Variants in DLGAP2 observed in about 807,000 individuals in gnomAD.
DLGAP2 encodes the protein DLG associated protein 2.
In DLGAP2, 26 loss-of-function variants were observed where a neutral mutation model predicts 100.3. The observed-to-expected ratio is 0.26, with a 90% CI of 0.19 to 0.36. The LOEUF (loss-of-function observed/expected upper bound fraction) is 0.36, where lower values mean the gene tolerates loss of function less well. Ranked by LOEUF, DLGAP2 falls within the 10% of genes least tolerant of loss-of-function variation. The pLI, the probability that DLGAP2 is intolerant of heterozygous loss-of-function variation, is 1.00. For synonymous variants in DLGAP2, 886 were observed against 630.1 expected (o/e 1.41, Z -6.08); for missense variants, 1,858 against 1,453.2 (o/e 1.28, Z -4.53).
At chr8:1,296,379 T>C (rs909871978) in intron 3 of DLGAP2, among the ~76,000 whole-genome samples, 2 of 152,186 alleles carry the variant, frequency 1.3e-5, no homozygotes, top group African/African-American at 2.4e-5. Flanking sequence ...GCACGCTGGC[T>C]GCATGTGCCT....
chr8:958,282 C>T (rs992084479), intron 2 of DLGAP2, among the ~76,000 whole-genome samples: 13 of 152,158 alleles, frequency 8.5e-5, no homozygotes, highest in East Asian at 3.8e-4. Flanking sequence ...CATGTTTTGT[C>T]GATCCATTCA....
chr8:1,297,038 A>G (rs1482719905), intron 3 of DLGAP2: 1 of 152,292 alleles, frequency 6.6e-6, no homozygotes, highest in Non-Finnish European at 1.5e-5. Context: ...AATACCTCAG[A>G]TTGTGCCTGG....
intron 3 of DLGAP2, among the ~76,000 whole-genome samples, chr8:1,296,491 A>C (rs1800178344): frequency 6.6e-6 from 1 of 152,134 alleles, no homozygotes; most frequent in Admixed American, 6.6e-5. Flanking sequence ...GTCTCCAGGA[A>C]GCAGAGCCTT....
chr8:1,238,598 T>C (rs1464984525), intron 2 of DLGAP2, among the ~76,000 whole-genome samples: 1 of 85,484 alleles, frequency 1.2e-5, no homozygotes, highest in Non-Finnish European at 2.4e-5. Context: ...ACCTATCACA[T>C]GGTGCCGTGT....
At chr8:1,209,665 A>G (rs1421969993) in intron 2 of DLGAP2, among the ~76,000 whole-genome samples, 1 of 152,232 alleles carries the variant, frequency 6.6e-6, no homozygotes, top group African/African-American at 2.4e-5. Flanking sequence ...CTCCTATTCC[A>G]AGCACTCTTA....
chr8:1,084,066 G>A (rs983199797), intron 2 of DLGAP2, among the ~76,000 whole-genome samples: 1 of 151,862 alleles, frequency 6.6e-6, no homozygotes, highest in African/African-American at 2.4e-5. Context: ...CTCATTGTTT[G>A]GTCACATTTT....
intron 1 of DLGAP2, among the ~76,000 whole-genome samples, chr8:822,771 A>C (rs1428159359): frequency 6.6e-6 from 1 of 152,130 alleles, no homozygotes; most frequent in African/African-American, 2.4e-5. Context: ...GTGAGATGGG[A>C]CACAGCCTTC....
intron 3 of DLGAP2, among the ~76,000 whole-genome samples, chr8:1,370,381 A>G (rs534942362): frequency 1.4e-4 from 21 of 152,110 alleles, no homozygotes; most frequent in Non-Finnish European, 2.6e-4. Flanking sequence ...CACCACCTTA[A>G]TACCCTCCAG....
At chr8:1,002,656 G>A (rs918536042) in intron 2 of DLGAP2, 1 of 152,254 alleles carries the variant, frequency 6.6e-6, no homozygotes, top group East Asian at 1.9e-4. Context: ...GGTCCACTTT[G>A]TAGTGGCAGC....
chr8:800,733 T>C (rs1796132636), intron 1 of DLGAP2, among the ~76,000 whole-genome samples: 3 of 152,142 alleles, frequency 2.0e-5, no homozygotes, highest in South Asian at 2.1e-4. Context: ...TGTTTGTGTG[T>C]ATGTGTATGT....
chr8:1,270,003 C>T (rs1371655790), intron 3 of DLGAP2, among the ~76,000 whole-genome samples: 1 of 152,124 alleles, frequency 6.6e-6, no homozygotes, highest in Non-Finnish European at 1.5e-5. Context: ...TTTTCCTGGG[C>T]GGGGAGCATT....
intron 2 of DLGAP2, among the ~76,000 whole-genome samples, chr8:1,173,370 G>C (rs1334612678): frequency 1.3e-5 from 2 of 152,196 alleles, no homozygotes; most frequent in African/African-American, 4.8e-5. Context: ...CCCGTTCTCA[G>C]ATCTCCAGCT....
chr8:1,183,589 C>T (rs7841125), intron 2 of DLGAP2, among the ~76,000 whole-genome samples: 17,715 of 152,148 alleles, frequency 0.12, 2,026 homozygotes, highest in African/African-American at 0.3. Context: ...ACATGCTGCC[C>T]GGGGCCACAG....
At chr8:1,321,294 G>C (rs1464884911) in intron 3 of DLGAP2, among the ~76,000 whole-genome samples, 2 of 151,818 alleles carry the variant, frequency 1.3e-5, no homozygotes, top group Admixed American at 6.6e-5. Context: ...GTGTGTCTCT[G>C]TGTGCATCTG....
At chr8:997,507 AAC>A (rs1411283768) in intron 2 of DLGAP2, among the ~76,000 whole-genome samples, 3 of 152,180 alleles carry the variant, frequency 2.0e-5, no homozygotes, top group African/African-American at 4.8e-5. Flanking sequence ...TTCACTACCA[AAC>A]ACACACAGTA....
chr8:1,523,777 C>T (rs1232966471), intron 4 of DLGAP2, among the ~76,000 whole-genome samples: 1 of 152,210 alleles, frequency 6.6e-6, no homozygotes, highest in African/African-American at 2.4e-5. Context: ...AGACAAGCTC[C>T]CGAGGGCCAT....
At chr8:949,843 C>A (rs1399074186) in intron 2 of DLGAP2, among the ~76,000 whole-genome samples, 5 of 152,106 alleles carry the variant, frequency 3.3e-5, no homozygotes, top group African/African-American at 1.2e-4. Context: ...CCCACAGTGA[C>A]CCTTTGGTCT....
At chr8:1,223,549 T>C (rs1798358749) in intron 2 of DLGAP2, among the ~76,000 whole-genome samples, 1 of 152,228 alleles carries the variant, frequency 6.6e-6, no homozygotes, top group African/African-American at 2.4e-5. Context: ...GAAAGAATGG[T>C]TTGACCAGGG....
At chr8:1,480,576 G>A (rs1032783441) in intron 3 of DLGAP2, among the ~76,000 whole-genome samples, 4 of 152,168 alleles carry the variant, frequency 2.6e-5, no homozygotes, top group Admixed American at 1.3e-4. Flanking sequence ...CAGGCTGGAC[G>A]CAGTGGCTCA....
Sources: gnomAD v4.1 joint callset for allele counts (sites outside exome capture counted in the v4.1 genomes callset) on GRCh38, gnomAD v4.1.1 for gene constraint, MANE v1.5 for transcripts, NCBI Gene and HGNC (gene_info 2026-07-23, HGNC 2026-07-21) for gene names.